ZMYND10: variants seen among roughly 807,000 people sequenced by gnomAD.
ZMYND10 encodes the protein zinc finger MYND-type containing 10.
Under a neutral mutation model 62.6 loss-of-function variants are expected in ZMYND10, and 52 were observed. That is an observed-to-expected ratio of 0.83 (90% CI 0.67 to 1.05). The LOEUF is 1.05. ZMYND10 is among the 50% of genes least tolerant of loss of function. The pLI is 0.00. For synonymous variants in ZMYND10, 197 were observed against 218.5 expected (o/e 0.90, Z 0.87); for missense variants, 438 against 543.3 (o/e 0.81, Z 1.93).
At chr3:50,342,718 C>G (rs1703425458) in intron 7 of ZMYND10, 149 bp from the exon 8 acceptor site, 2 of 1,466,960 alleles carry the variant, frequency 1.4e-6, no homozygotes, top group Middle Eastern at 2.2e-4. Flanking sequence ...GACCCCAGAG[C>G]AGGGTGAGCC....
chr3:50,344,804 A>ACCCCCCCCCCCCCCC (rs1324964799), intron 2 of ZMYND10: 4 of 22,168 alleles, frequency 1.8e-4, no homozygotes, highest in Admixed American at 8.6e-4. Context: ...GCCCTCCCCA[A>ACCCCCCCCCCCCCCC]CCCCTCCCCA....
chr3:50,343,592 T>A lies in ZMYND10; in HGVS notation c.343A>T (p.Asn115Tyr). The change falls in exon 4 of 12, where the codon AAC becomes TAC. Residue 115 changes from asparagine (N) to tyrosine (Y), a missense_variant. Coordinates refer to ENST00000231749, the MANE Select transcript of ZMYND10 (RefSeq NM_015896.4). ...MVVHHEASII[N>Y]LLETVFFHKE... ...TGGAAGAACACTGTCTCCAAGAGGTTGATGATGGAGGCCTCGTGGTGCACC... is the reference window on the plus strand; with the variant it reads ...TGGAAGAACACTGTCTCCAAGAGGTAGATGATGGAGGCCTCGTGGTGCACC... The A allele has an allele frequency of 6.2e-7, 1 of 1,614,106 alleles. No individual in the cohort carries two copies. The highest frequency in any genetic ancestry group is 8.5e-7 in the Non-Finnish European group (1 of 1,180,010).
intron 8 of ZMYND10, 23 bp downstream of exon 8, chr3:50,342,374 G>A (rs1272616429): frequency 1.3e-6 from 2 of 1,559,332 alleles, no homozygotes; most frequent in Admixed American, 3.9e-5. Flanking sequence ...GGGCTGTGGG[G>A]GCTGGTGCGG....
In ZMYND10 at chr3:50,342,157, T is replaced by G. The variant is rs1298629345; in HGVS notation, c.874-17A>C. 1 of 1,604,582 alleles carries G rather than the reference T, an allele frequency of 6.2e-7. No individual in the cohort carries two copies. ...GGCCCGAAGCTGCAAGGGTGTCCAG[T>G]GGAGGCCAGTGTGATGCAGGTGCTG... is the stretch of plus-strand genomic sequence containing the variant. On this transcript the variant is annotated splice_polypyrimidine_tract_variant and intron_variant, in intron 8 of 11. Transcript: ENST00000231749.
At chr3:50,343,507 C>A in intron 4 of ZMYND10, 56 bp downstream of exon 4, 3 of 1,614,172 alleles carry the variant, frequency 1.9e-6, no homozygotes, top group Non-Finnish European at 2.5e-6. Flanking sequence ...CACAATCTCC[C>A]TTCCTGCCAG....
At chr3:50,342,732 G>C in intron 7 of ZMYND10, 163 bp from the exon 8 acceptor site, 1 of 1,468,598 alleles carries the variant, frequency 6.8e-7, no homozygotes, top group Non-Finnish European at 9.0e-7. Context: ...GTGAGCCTCA[G>C]TAGTGGACAC....
Position 50,341,388 on chromosome 3 carries a change from C to T in ZMYND10, c.*22G>A. 4 of 1,613,600 alleles carry T rather than the reference C, an allele frequency of 2.5e-6. No individual in the cohort carries two copies. Among genetic ancestry groups the T allele is most frequent in the African/African-American group, 1.3e-5 (1 of 75,052 alleles). On this transcript the variant is annotated 3_prime_UTR_variant, in exon 12 of 12. Transcript: ENST00000231749. ...GGTGGATTCCCTTGGCATGGGTGGT[C>T]GGCCCTCAGCAACTGCAGCCCTCAT...
rs373535391 is a variant in ZMYND10 at position 50,341,161 on chromosome 3, G to A, written c.*249C>T. The stretch of plus-strand genomic sequence containing the variant: ...CTAGAGGAAGAGGGTCCCCACATCC[G>A]GCCCTGGCCCTCCTGGTCCGGTTTG... On this transcript the variant is annotated 3_prime_UTR_variant, in exon 12 of 12. Transcript: ENST00000231749. The A allele has an allele frequency of 4.4e-5, 27 of 612,710 alleles. No individual in the cohort carries two copies. The highest frequency in any genetic ancestry group is 4.2e-4 in the African/African-American group (23 of 54,230). 38.0% of individuals were successfully genotyped at this position (612,710 alleles called of 1,614,324 possible).
Position 50,345,679 on chromosome 3 carries a change from G to A in ZMYND10, c.-100C>T. On this transcript the variant is annotated 5_prime_UTR_variant, in exon 1 of 12. Transcript: ENST00000231749. This position sits in a 1 kb window ranked among gnomAD's most constrained non-coding sequence, Gnocchi z 5.0. ...CCGACGGTGCCAAAGTCTGGGACAGGACAGTTGCGGGACGGTTGGGGAGCG... is the reference window on the plus strand; with the variant it reads ...CCGACGGTGCCAAAGTCTGGGACAGAACAGTTGCGGGACGGTTGGGGAGCG... 1 of 1,524,922 alleles carries A rather than the reference G, an allele frequency of 6.6e-7. No homozygotes were observed. The highest frequency in any genetic ancestry group is 2.0e-5 in the Admixed American group (1 of 49,114). The allele number at this position is 1,524,922 out of a possible 1,614,324, so 94.5% of individuals were successfully genotyped here.
In ZMYND10 at chr3:50,342,295, G is replaced by A. The variant is rs1022577948; in HGVS notation, c.873+102C>T. On this transcript the variant is annotated intron_variant, in intron 8 of 11. Coordinates refer to ENST00000231749, the MANE Select transcript of ZMYND10 (RefSeq NM_015896.4). ...GGCCCAAGGACTGAAAAGAGCACTG[G>A]GGTTGAGGTGGGTGGGCAAAGATAA... 1.0e-4 allele frequency: 161 copies of A among 1,561,978 alleles called. No individual in the cohort carries two copies. In the Middle Eastern group the frequency reaches 2.2e-3, roughly 21 times the overall value.
chr3:50,344,341 G>A (rs587595767), intron 2 of ZMYND10, among the ~76,000 whole-genome samples: 4 of 137,974 alleles, frequency 2.9e-5, no homozygotes, highest in Non-Finnish European at 4.6e-5. Flanking sequence ...TTTTTGAGAC[G>A]GAGTTTCACT....
chr3:50,341,237 C>T lies in ZMYND10; in HGVS notation c.*173G>A. 2 of 804,008 alleles carry T rather than the reference C, an allele frequency of 2.5e-6. No homozygotes were observed. The highest frequency in any genetic ancestry group is 5.2e-5 in the Admixed American group (2 of 38,750). The allele number at this position is 804,008 out of a possible 1,614,324, so 49.8% of individuals were successfully genotyped here. On this transcript the variant is annotated 3_prime_UTR_variant, in exon 12 of 12. Coordinates refer to ENST00000231749, the MANE Select transcript of ZMYND10 (RefSeq NM_015896.4). ...ACTGGGTGGGGCAGGAAGTCTCGAGCCTTCACTTGGGGTGAGGAGGAGGGA... is the reference window on the plus strand; with the variant it reads ...ACTGGGTGGGGCAGGAAGTCTCGAGTCTTCACTTGGGGTGAGGAGGAGGGA...
Position 50,344,100 on chromosome 3 carries a change from GC to G in ZMYND10, c.202-251del, listed in dbSNP as rs1311210202. 7.9e-5 allele frequency: 40 copies of G among 509,002 alleles called. No homozygotes were observed. In the East Asian group the frequency reaches 1.3e-3, roughly 17 times the overall value. 31.5% of individuals were successfully genotyped at this position (509,002 alleles called of 1,614,324 possible). A position where few individuals can be genotyped will look rare whatever the true frequency, so the allele number is the denominator to read the frequency against. On this transcript the variant is annotated intron_variant, in intron 2 of 11. Coordinates refer to ENST00000231749, the MANE Select transcript of ZMYND10 (RefSeq NM_015896.4). ...TCCTGCCCAGTTCCCAGACTGCCTT[GC>G]CCTGCCTGCACCTGCACCCTTATCC...
In ZMYND10 at chr3:50,342,086, A is replaced by G. The variant is rs1316693220; in HGVS notation, c.928T>C (p.Leu310=). ...GTCAGATGGGCCAGGAAACTCTGCA[A>G]GTGGGCCAGGTTGGGCAGCTGGTCC... ...LLDQLPNLAH[L]QSFLAHLTLT... is the part of the protein sequence containing the mutation. Residue 310 remains leucine (L), a synonymous_variant, in exon 9 of 12, where the codon TTG becomes CTG. Transcript: ENST00000231749. 1 of 1,613,914 alleles carries G rather than the reference A, an allele frequency of 6.2e-7. No individual in the cohort carries two copies. The highest frequency in any genetic ancestry group is 8.5e-7 in the Non-Finnish European group (1 of 1,179,938).
In ZMYND10 at chr3:50,342,930, G is replaced by T. The variant is rs780389624; in HGVS notation, c.688C>A (p.Arg230=). ...GGGAGGACCCTACCTCCTTCCCGCC[G>T]GCTCCAGGGACTATGCTCCAGCAGT... is the stretch of plus-strand genomic sequence containing the variant. ...VELLEHSPWS[R]REGGKLQQFE... The change falls in exon 7 of 12, where the codon CGG becomes AGG. Residue 230 remains arginine (R), a synonymous_variant. Coordinates refer to ENST00000231749, the MANE Select transcript of ZMYND10 (RefSeq NM_015896.4). 6.2e-7 allele frequency: 1 copy of T among 1,613,926 alleles called. No homozygotes were observed. Among genetic ancestry groups the T allele is most frequent in the Non-Finnish European group, 8.5e-7 (1 of 1,179,898 alleles).
At chr3:50,343,663 A>G in intron 3 of ZMYND10, 47 bp from the exon 4 acceptor site, 1 of 1,613,980 alleles carries the variant, frequency 6.2e-7, no homozygotes, top group Non-Finnish European at 8.5e-7. Context: ...GATAGGGGCT[A>G]CCAGCTCTCC....
At position 50,345,617 on chromosome 3, in the gene ZMYND10, G is replaced by A. The variant is rs774981800; in HGVS notation, c.-38C>T. ...GTCCGGCGGATCCTGGGCAGCAGCC[G>A]GGGTGGGGATGCTGTCACATTCGGG... On this transcript the variant is annotated 5_prime_UTR_variant, in exon 1 of 12. Transcript: ENST00000231749. This position sits in a 1 kb window ranked among gnomAD's most constrained non-coding sequence, Gnocchi z 5.0. 32 of 1,552,626 alleles carry A rather than the reference G, an allele frequency of 2.1e-5. No homozygotes were observed. In the East Asian group the frequency reaches 2.4e-4, roughly 12 times the overall value.
Position 50,345,665 on chromosome 3 carries a change from A to G in ZMYND10, c.-86T>C. On this transcript the variant is annotated 5_prime_UTR_variant, in exon 1 of 12. Coordinates refer to ENST00000231749, the MANE Select transcript of ZMYND10 (RefSeq NM_015896.4). This position sits in a 1 kb window ranked among gnomAD's most constrained non-coding sequence, Gnocchi z 5.0. Reference sequence around the variant, plus strand: ...GGGGACGACGGACCCCGACGGTGCCAAAGTCTGGGACAGGACAGTTGCGGG... The same window carrying G: ...GGGGACGACGGACCCCGACGGTGCCGAAGTCTGGGACAGGACAGTTGCGGG... 1 of 1,541,260 alleles carries G rather than the reference A, an allele frequency of 6.5e-7. No homozygotes were observed. The highest frequency in any genetic ancestry group is 2.0e-5 in the Admixed American group (1 of 50,592).
At chr3:50,342,296 G>A in intron 8 of ZMYND10, 101 bp downstream of exon 8, 1 of 1,562,402 alleles carries the variant, frequency 6.4e-7, no homozygotes, top group Non-Finnish European at 8.7e-7. Context: ...AGAGCACTGG[G>A]GTTGAGGTGG....
Sources: allele counts gnomAD v4.1 joint callset (sites outside exome capture counted in the v4.1 genomes callset), GRCh38; gene constraint gnomAD v4.1.1; non-coding constraint Gnocchi (gnomAD v3.1); transcripts MANE v1.5; gene names NCBI Gene and HGNC (gene_info 2026-07-23, HGNC 2026-07-21).